ZBTB20: variants seen among roughly 807,000 people sequenced by gnomAD.
ZBTB20 encodes zinc finger and BTB domain containing 20.
ZBTB20 carries 9 observed loss-of-function variants against 56.9 expected under a neutral mutation model. The observed-to-expected ratio is 0.16, with a 90% CI of 0.10 to 0.28. ZBTB20 has a LOEUF of 0.28. Ranked by LOEUF, ZBTB20 falls within the 10% of genes least tolerant of loss-of-function variation. ZBTB20 has a pLI of 1.00. For missense variants in ZBTB20, 655 were observed against 1,003.0 expected, an observed-to-expected ratio of 0.65 and a Z score of 4.69; for synonymous variants, 417 against 420.7, an observed-to-expected ratio of 0.99 and a Z score of 0.11.
intron 3 of ZBTB20, among the ~76,000 whole-genome samples, chr3:114,953,473 C>G (rs528403868): frequency 1.1e-4 from 17 of 150,076 alleles, no homozygotes; most frequent in African/African-American, 4.2e-4. Context: ...CTGTTTTCAA[C>G]AAATTTACTT....
In ZBTB20 at chr3:114,417,161, T is replaced by A. The variant is rs190290047; in HGVS notation, c.-254-28056A>T. Reference sequence around the variant, plus strand: ...GAATGGATTAACGAGTTCTTGTTTCTGGCCCTCGTATAACTCAAAAACTCG... The same window carrying A: ...GAATGGATTAACGAGTTCTTGTTTCAGGCCCTCGTATAACTCAAAAACTCG... On this transcript the variant is annotated intron_variant, in intron 7 of 11. Transcript: ENST00000675478. 5.7e-4 allele frequency among the ~76,000 whole-genome samples: 87 copies of A among 152,284 alleles called. 1 individual carries two copies. The highest frequency in any genetic ancestry group is 1.9e-3 in the African/African-American group (81 of 41,578).
At chr3:114,544,236 T>C (rs2049453378) in intron 6 of ZBTB20, among the ~76,000 whole-genome samples, 1 of 152,208 alleles carries the variant, frequency 6.6e-6, no homozygotes, top group Non-Finnish European at 1.5e-5. Context: ...TTTAAGTATT[T>C]GTTTACAAAT....
intron 2 of ZBTB20, among the ~76,000 whole-genome samples, chr3:114,996,136 G>A (rs1228919215): frequency 6.6e-6 from 1 of 151,804 alleles, no homozygotes; most frequent in Non-Finnish European, 1.5e-5. Context: ...CTTTTATTAT[G>A]AGGACACTGC....
chr3:114,380,635 C>T lies in ZBTB20; in HGVS notation c.11+142G>A, dbSNP rs1449795692. 8 of 1,268,992 alleles carry T rather than the reference C, an allele frequency of 6.3e-6. 1 individual carries two copies. Among genetic ancestry groups the T allele is most frequent in the Non-Finnish European group, 8.4e-6 (8 of 952,656 alleles). The allele number at this position is 1,268,992 out of a possible 1,614,324, so 78.6% of individuals were successfully genotyped here. A position where few individuals can be genotyped will look rare whatever the true frequency, so the allele number is the denominator to read the frequency against. The stretch of plus-strand genomic sequence containing the variant: ...CCAAGCAAACAGCACCACATTTGGA[C>T]TCTGTTGGCTGCATAAAAAGACCCT... On this transcript the variant is annotated intron_variant, in intron 9 of 11. Transcript: ENST00000675478.
rs2081288537 is a variant in ZBTB20 at position 115,045,174 on chromosome 3, A to G, written c.-507+26045T>C. On this transcript the variant is annotated intron_variant, in intron 2 of 11. Coordinates refer to ENST00000675478, the MANE Select transcript of ZBTB20 (RefSeq NM_001348800.3). ...GGGACCCAACATACAATTTCCTATA[A>G]TAACTCGTGAATCCCATTCATTAAA... 1.3e-5 allele frequency among the ~76,000 whole-genome samples: 2 copies of G among 152,322 alleles called. 1 individual carries two copies. The highest frequency in any genetic ancestry group is 4.1e-4 in the South Asian group (2 of 4,820).
At chr3:114,684,144 A>G (rs1450584404) in intron 6 of ZBTB20, among the ~76,000 whole-genome samples, 2 of 152,208 alleles carry the variant, frequency 1.3e-5, no homozygotes, top group African/African-American at 4.8e-5. Flanking sequence ...TTCTCTTGCT[A>G]TGATGGCAAG....
At chr3:114,400,306 G>C (rs1277116015) in intron 7 of ZBTB20, among the ~76,000 whole-genome samples, 2 of 152,122 alleles carry the variant, frequency 1.3e-5, no homozygotes, top group Non-Finnish European at 2.9e-5. Flanking sequence ...CTTGTAAAAT[G>C]GTATTGACAA....
intron 8 of ZBTB20, among the ~76,000 whole-genome samples, chr3:114,383,056 C>G (rs969331963): frequency 2.6e-5 from 4 of 152,148 alleles, no homozygotes; most frequent in African/African-American, 9.7e-5. Flanking sequence ...TAAGAACGGT[C>G]ATAGTCTGAA....
intron 3 of ZBTB20, among the ~76,000 whole-genome samples, chr3:114,919,986 A>C (rs1038435811): frequency 6.6e-6 from 1 of 152,212 alleles, no homozygotes; most frequent in Non-Finnish European, 1.5e-5. Context: ...TAGTTATATC[A>C]GACAAAATAG....
intron 5 of ZBTB20, among the ~76,000 whole-genome samples, chr3:114,702,057 G>C (rs1236202912): frequency 1.3e-5 from 2 of 152,174 alleles, no homozygotes; most frequent in Non-Finnish European, 2.9e-5. Flanking sequence ...CAGATGATTG[G>C]CTAGGCATGG....
chr3:114,493,149 T>A (rs1283538465), intron 7 of ZBTB20, among the ~76,000 whole-genome samples: 1 of 152,200 alleles, frequency 6.6e-6, no homozygotes, highest in Non-Finnish European at 1.5e-5. Context: ...TGAGATTAGC[T>A]TTTTCACCCA....
At chr3:115,013,908 A>ATGTGTGTGTGTGTGTGTG (rs35762117) in intron 2 of ZBTB20, among the ~76,000 whole-genome samples, 46 of 147,850 alleles carry the variant, frequency 3.1e-4, no homozygotes, top group African/African-American at 1.1e-3. Context: ...CAATCCCTAT[A>ATGTGTGTGTGTGTGTGTG]TGTGTGTGTG....
At chr3:114,832,037 G>C (rs1053863099) in intron 4 of ZBTB20, among the ~76,000 whole-genome samples, 22 of 152,062 alleles carry the variant, frequency 1.4e-4, no homozygotes, top group African/African-American at 5.1e-4. Context: ...TCACGAAACA[G>C]AATAAGCCTC....
intron 6 of ZBTB20, among the ~76,000 whole-genome samples, chr3:114,671,039 C>T (rs150156228): frequency 9.2e-5 from 14 of 152,230 alleles, no homozygotes; most frequent in African/African-American, 2.6e-4. Context: ...TGTTGACCTA[C>T]ATTATGTTAG....
chr3:114,955,152 C>T (rs1269652895), intron 3 of ZBTB20, among the ~76,000 whole-genome samples: 1 of 152,138 alleles, frequency 6.6e-6, no homozygotes, highest in Non-Finnish European at 1.5e-5. Context: ...TAAACCAGCA[C>T]AATTAGACCT....
chr3:114,801,190 T>G lies in ZBTB20; in HGVS notation c.-416-16A>C, dbSNP rs2071679091. ...TTCAGGCAGTCTGAAAAGAAACAGG[T>G]TAAAATCTCTTTCAGTTATAATTGG... is the stretch of plus-strand genomic sequence containing the variant. On this transcript the variant is annotated splice_polypyrimidine_tract_variant and intron_variant, in intron 4 of 11. Coordinates refer to ENST00000675478, the MANE Select transcript of ZBTB20 (RefSeq NM_001348800.3). The G allele has an allele frequency of 6.6e-6, 1 of 152,126 alleles. No homozygotes were observed. Among genetic ancestry groups the G allele is most frequent in the Non-Finnish European group, 1.5e-5 (1 of 67,822 alleles). The allele number at this position is 152,126 out of a possible 1,614,324, so 9.4% of individuals were successfully genotyped here. A position where few individuals can be genotyped will look rare whatever the true frequency, so the allele number is the denominator to read the frequency against.
rs141094122 is a variant in ZBTB20 at position 114,629,617 on chromosome 3, C to T, written c.-295+63911G>A. Reference sequence around the variant, plus strand: ...GTTTTTGTCCATCTAATAGCCAGCCCTAGATAAGGCACATTGTACCAATAC... The same window carrying T: ...GTTTTTGTCCATCTAATAGCCAGCCTTAGATAAGGCACATTGTACCAATAC... On this transcript the variant is annotated intron_variant, in intron 6 of 11. Coordinates refer to ENST00000675478, the MANE Select transcript of ZBTB20 (RefSeq NM_001348800.3). Among the ~76,000 whole-genome samples, 17 of 152,148 alleles carry T rather than the reference C, an allele frequency of 1.1e-4. No individual in the cohort carries two copies. The East Asian group carries it at 3.3e-3, about 29-fold the overall frequency.
intron 1 of ZBTB20, among the ~76,000 whole-genome samples, chr3:115,089,231 A>G (rs1195754709): frequency 1.3e-5 from 2 of 151,826 alleles, no homozygotes; most frequent in Non-Finnish European, 2.9e-5. Context: ...CCAGAATTCA[A>G]TCCCAGTTCT....
chr3:114,847,952 T>C (rs2074800619), intron 4 of ZBTB20, among the ~76,000 whole-genome samples: 1 of 152,168 alleles, frequency 6.6e-6, no homozygotes, highest in African/African-American at 2.4e-5. Context: ...AAGTAATGCA[T>C]CTAATTGACA....
Sources: allele counts gnomAD v4.1 joint callset (sites outside exome capture counted in the v4.1 genomes callset), GRCh38; gene constraint gnomAD v4.1.1; transcripts MANE v1.5; gene names NCBI Gene and HGNC (gene_info 2026-07-23, HGNC 2026-07-21).